Variants in RYK observed in about 807,000 individuals in gnomAD.
The protein encoded by RYK is receptor like tyrosine kinase.
A neutral mutation model predicts 70.2 loss-of-function variants in RYK; 21 were observed. The observed-to-expected ratio is 0.30, with a 90% CI of 0.21 to 0.43. The LOEUF (loss-of-function observed/expected upper bound fraction) is 0.43, where lower values mean the gene tolerates loss of function less well. Among genes scored for constraint, RYK ranks in the 20% least tolerant of loss-of-function variants. The pLI, the probability that RYK is intolerant of heterozygous loss-of-function variation, is 1.00. For missense variants in RYK, 604 were observed against 753.3 expected, an observed-to-expected ratio of 0.80 and a Z score of 2.32; for synonymous variants, 267 against 278.0, an observed-to-expected ratio of 0.96 and a Z score of 0.39.
chr3:134,175,286 T>C (rs2013057734), intron 13 of RYK, among the ~76,000 whole-genome samples: 1 of 149,814 alleles, frequency 6.7e-6, no homozygotes. Context: ...GAGGTTGCAG[T>C]GAGCCAGGAT....
At chr3:134,209,177 A>G (rs2014314421) in intron 4 of RYK, among the ~76,000 whole-genome samples, 1 of 152,228 alleles carries the variant, frequency 6.6e-6, no homozygotes, top group South Asian at 2.1e-4. Context: ...GTTTTAGGCT[A>G]GATTTAATGA....
chr3:134,174,720 T>G (rs373252225), intron 13 of RYK, among the ~76,000 whole-genome samples: 25 of 152,250 alleles, frequency 1.6e-4, no homozygotes, highest in African/African-American at 6.0e-4. Context: ...GACAGAAATT[T>G]TACATGGCTG....
chr3:134,217,164 C>T (rs2014581829), intron 2 of RYK, among the ~76,000 whole-genome samples: 1 of 152,202 alleles, frequency 6.6e-6, no homozygotes, highest in African/African-American at 2.4e-5. Flanking sequence ...GTTAAAGTAT[C>T]TACGATGTTG....
chr3:134,219,869 G>C (rs1029221491), intron 2 of RYK, among the ~76,000 whole-genome samples: 1 of 152,178 alleles, frequency 6.6e-6, no homozygotes, highest in African/African-American at 2.4e-5. Context: ...TCCAAAAACA[G>C]ATGCAAAAAG....
chr3:134,168,729 C>T (rs775157482), intron 13 of RYK, among the ~76,000 whole-genome samples: 3 of 151,920 alleles, frequency 2.0e-5, no homozygotes, highest in Admixed American at 2.0e-4. Context: ...TGTAACAAAC[C>T]TGCATGTTAT....
chr3:134,211,012 T>C (rs1029669881), intron 3 of RYK, among the ~76,000 whole-genome samples: 6 of 152,166 alleles, frequency 3.9e-5, no homozygotes, highest in African/African-American at 1.4e-4. Flanking sequence ...CAGAACTGCA[T>C]GTAGTCTGGA....
chr3:134,195,310 C>T (rs528014642), intron 6 of RYK, 128 bp from the exon 7 acceptor site: 1 of 652,318 alleles, frequency 1.5e-6, no homozygotes, highest in Non-Finnish European at 2.7e-6. Context: ...CACAATAATT[C>T]ATGATGTTCC....
intron 2 of RYK, among the ~76,000 whole-genome samples, chr3:134,216,885 A>G (rs1442490081): frequency 1.3e-5 from 2 of 150,720 alleles, no homozygotes; most frequent in Non-Finnish European, 3.0e-5. Context: ...GTTCTGGAAT[A>G]CAGAAGAAAC....
rs763428713 is a variant in RYK at position 134,191,967 on chromosome 3, A to G, written c.897T>C (p.Pro299=). ...AGTCGTTCTTCTCTATCCGCAAGGT[A>G]GGATAACCTAAGGAGCCAACAAAGC... ...PNNATPITSY[P]TLRIEKNDLR... The change falls in exon 8 of 15, where the codon CCT becomes CCC. Residue 299 remains proline (P), a synonymous_variant. Coordinates refer to ENST00000623711, the MANE Select transcript of RYK (RefSeq NM_002958.4). 6.2e-7 allele frequency: 1 copy of G among 1,613,004 alleles called. No homozygotes were observed. The highest frequency in any genetic ancestry group is 8.5e-7 in the Non-Finnish European group (1 of 1,179,546).
intron 6 of RYK, among the ~76,000 whole-genome samples, chr3:134,199,675 G>A (rs2013927002): frequency 6.6e-6 from 1 of 152,168 alleles, no homozygotes; most frequent in South Asian, 2.1e-4. Flanking sequence ...ATAACTGGAT[G>A]TGAGCTTTCT....
At chr3:134,192,037 C>T (rs1307606015) in intron 7 of RYK, 63 bp from the exon 8 acceptor site, 2 of 1,548,966 alleles carry the variant, frequency 1.3e-6, no homozygotes, top group African/African-American at 2.7e-5. Flanking sequence ...TTGGAGTCAA[C>T]TAGTTCAGTT....
chr3:134,246,905 A>G (rs1224399010), intron 1 of RYK, among the ~76,000 whole-genome samples: 2 of 152,156 alleles, frequency 1.3e-5, no homozygotes, highest in Non-Finnish European at 1.5e-5. Context: ...GATTGGAGCA[A>G]GAGGATGGAA....
chr3:134,188,546 T>G (rs901326855), intron 9 of RYK, among the ~76,000 whole-genome samples: 7 of 152,190 alleles, frequency 4.6e-5, no homozygotes, highest in Non-Finnish European at 8.8e-5. Context: ...ACACTAAACA[T>G]AGTAACAATG....
chr3:134,190,437 A>G (rs552783019), intron 8 of RYK, among the ~76,000 whole-genome samples: 1 of 152,132 alleles, frequency 6.6e-6, no homozygotes, highest in Non-Finnish European at 1.5e-5. Flanking sequence ...ATATATGTAC[A>G]TATTACTTTA....
intron 4 of RYK, among the ~76,000 whole-genome samples, chr3:134,208,435 G>A (rs2107678076): frequency 6.6e-6 from 1 of 152,284 alleles, no homozygotes; most frequent in East Asian, 1.9e-4. Flanking sequence ...TGACTACATT[G>A]GAGTAGAGAG....
At position 134,249,917 on chromosome 3, in the gene RYK, GTTTTTTTTT is replaced by G. The variant is rs71624038; in HGVS notation, c.232+497_232+505del. 3.0e-4 allele frequency among the ~76,000 whole-genome samples: 28 copies of G among 93,340 alleles called. 1 individual carries two copies. The South Asian group carries it at 6.6e-3, about 22-fold the overall frequency. 61.2% of individuals were successfully genotyped at this position (93,340 alleles called of 152,430 possible). On this transcript the variant is annotated intron_variant, in intron 1 of 14. Coordinates refer to ENST00000623711, the MANE Select transcript of RYK (RefSeq NM_002958.4). ...TATAACCTCCCCTTCTTTCTCTCTCGTTTTTTTTTTTTTTTTTTTTTTTTTTGTAAAAGG... is the reference window on the plus strand; with the variant it reads ...TATAACCTCCCCTTCTTTCTCTCTCGTTTTTTTTTTTTTTTTTGTAAAAGG...
intron 1 of RYK, among the ~76,000 whole-genome samples, chr3:134,249,289 ATG>A (rs1418471573): frequency 6.6e-6 from 1 of 152,200 alleles, no homozygotes; most frequent in Non-Finnish European, 1.5e-5. Flanking sequence ...AAATCCGTAC[ATG>A]TAATGTCTAA....
At chr3:134,197,663 A>G (rs1488358333) in intron 6 of RYK, among the ~76,000 whole-genome samples, 2 of 152,164 alleles carry the variant, frequency 1.3e-5, no homozygotes, top group Non-Finnish European at 2.9e-5. Flanking sequence ...AGACTTCAAT[A>G]ATGGGGAGGG....
chr3:134,165,158 T>C (rs1191597625), intron 13 of RYK, among the ~76,000 whole-genome samples: 1 of 152,228 alleles, frequency 6.6e-6, no homozygotes, highest in African/African-American at 2.4e-5. Context: ...TTTGATGTTC[T>C]TATAAACTTT....
Sources: gnomAD v4.1 joint callset for allele counts (sites outside exome capture counted in the v4.1 genomes callset) on GRCh38, gnomAD v4.1.1 for gene constraint, MANE v1.5 for transcripts, NCBI Gene and HGNC (gene_info 2026-07-23, HGNC 2026-07-21) for gene names.